Variants in PPP2R3A observed in about 807,000 individuals in gnomAD.
PPP2R3A encodes the protein protein phosphatase 2 regulatory subunit B''alpha, also known as serine/threonine-protein phosphatase 2A regulatory subunit B'' subunit alpha.
Under a neutral mutation model 106.9 loss-of-function variants are expected in PPP2R3A, and 80 were observed. The ratio of observed to expected loss-of-function variants is 0.75; its 90% CI spans 0.62 to 0.90. The LOEUF (loss-of-function observed/expected upper bound fraction) is 0.90, where lower values mean the gene tolerates loss of function less well. Among genes scored for constraint, PPP2R3A ranks in the 40% least tolerant of loss-of-function variants. PPP2R3A has a pLI of 0.00. For missense variants in PPP2R3A, 1,386 were observed against 1,350.4 expected (o/e 1.03, Z -0.41); for synonymous variants, 483 against 468.3 (o/e 1.03, Z -0.41).
rs187230359 is a variant in PPP2R3A at position 136,138,647 on chromosome 3, C to T, written c.3330-6396C>T. Among the ~76,000 whole-genome samples, 19 of 140,748 alleles carry T rather than the reference C, an allele frequency of 1.3e-4. No homozygotes were observed. The East Asian group carries it at 3.2e-3, about 24-fold the overall frequency. 92.3% of individuals were successfully genotyped at this position (140,748 alleles called of 152,430 possible). ...CTTAAAAGTATAAAGATAAATCACA[C>T]ACTTGTATTTCTGAAGCATTATAGA... On this transcript the variant is annotated intron_variant, in intron 13 of 13. Transcript: ENST00000264977.
At chr3:136,082,568 G>T in intron 8 of PPP2R3A, 147 bp downstream of exon 8, 1 of 814,900 alleles carries the variant, frequency 1.2e-6, no homozygotes, top group Non-Finnish European at 1.9e-6. Context: ...GGGGATGAGT[G>T]AAGATAATAT....
Position 136,002,854 on chromosome 3 carries a change from A to C in PPP2R3A, c.1356A>C (p.Pro452=). 1.2e-6 allele frequency: 2 copies of C among 1,614,062 alleles called. No individual in the cohort carries two copies. The highest frequency in any genetic ancestry group is 2.2e-5 in the South Asian group (2 of 91,058). The change falls in exon 2 of 14, where the codon CCA becomes CCC. Residue 452 remains proline (P), a synonymous_variant. Coordinates refer to ENST00000264977, the MANE Select transcript of PPP2R3A (RefSeq NM_002718.5). ...TAAATGAACATAGAGCAGAATTTCC[A>C]GAACATGCTACTCATCTTAAAAAAT... The part of the protein sequence containing the change: ...LKVNEHRAEF[P]EHATHLKKCP...
intron 2 of PPP2R3A, among the ~76,000 whole-genome samples, chr3:136,010,258 C>CTTTTTTTTT (rs35997478): frequency 2.5e-5 from 3 of 121,302 alleles, no homozygotes; most frequent in Non-Finnish European, 5.2e-5. Flanking sequence ...TTCTTTCTTT[C>CTTTTTTTTT]TTTTTTTTTT....
chr3:136,089,396 G>T (rs531407579), intron 9 of PPP2R3A, among the ~76,000 whole-genome samples: 20 of 152,136 alleles, frequency 1.3e-4, no homozygotes, highest in African/African-American at 4.6e-4. Context: ...GGTTGTAGGT[G>T]TGCAGCTTTA....
intron 5 of PPP2R3A, chr3:136,055,462 G>C: frequency 8.9e-7 from 1 of 1,125,572 alleles, no homozygotes; most frequent in Non-Finnish European, 1.4e-6. Context: ...TAAATGTGAA[G>C]ACACAGCTCT....
chr3:135,977,064 C>T (rs1937438134), intron 1 of PPP2R3A, among the ~76,000 whole-genome samples: 1 of 151,866 alleles, frequency 6.6e-6, no homozygotes, highest in South Asian at 2.1e-4. Flanking sequence ...AAGGCAAGGT[C>T]CTCCTCCATT....
At chr3:136,095,156 A>C (rs1435620020) in intron 10 of PPP2R3A, among the ~76,000 whole-genome samples, 1 of 150,334 alleles carries the variant, frequency 6.7e-6, no homozygotes, top group Non-Finnish European at 1.5e-5. Flanking sequence ...CTATGGGGGG[A>C]GGTCCCCTCA....
chr3:136,002,263 G>A lies in PPP2R3A; in HGVS notation c.765G>A (p.Lys255=). The change falls in exon 2 of 14, where the codon AAG becomes AAA. Residue 255 remains lysine (K), a synonymous_variant. Transcript: ENST00000264977. ...CAGACATCATAAAACAATGCATAAA[G>A]AAAAAATCAGGGAGTAGCATCAGTG... ...KCTDIIKQCI[K]KKSGSSISEG... 6.2e-7 allele frequency: 1 copy of A among 1,613,694 alleles called. No homozygotes were observed. The highest frequency in any genetic ancestry group is 1.1e-5 in the South Asian group (1 of 91,046).
At chr3:135,988,906 C>G (rs894141293) in intron 1 of PPP2R3A, among the ~76,000 whole-genome samples, 1 of 152,170 alleles carries the variant, frequency 6.6e-6, no homozygotes, top group Non-Finnish European at 1.5e-5. Flanking sequence ...TTGGGAGGCA[C>G]CTATTGATTA....
chr3:135,995,854 G>C (rs1204826239), intron 1 of PPP2R3A, among the ~76,000 whole-genome samples: 1 of 152,124 alleles, frequency 6.6e-6, no homozygotes, highest in Non-Finnish European at 1.5e-5. Flanking sequence ...AATATTTCTA[G>C]AATTTCATCT....
At chr3:136,098,200 C>T (rs1937261825) in intron 10 of PPP2R3A, among the ~76,000 whole-genome samples, 1 of 152,206 alleles carries the variant, frequency 6.6e-6, no homozygotes, top group African/African-American at 2.4e-5. Flanking sequence ...CCTCTGGTCC[C>T]AGCTAGTCTG....
intron 6 of PPP2R3A, among the ~76,000 whole-genome samples, chr3:136,072,263 A>G (rs1032905083): frequency 1.3e-5 from 2 of 152,160 alleles, no homozygotes; most frequent in African/African-American, 2.4e-5. Context: ...TAGACAGTCA[A>G]TATGTACTGA....
At chr3:135,982,736 C>T (rs537831920) in intron 1 of PPP2R3A, among the ~76,000 whole-genome samples, 3 of 152,202 alleles carry the variant, frequency 2.0e-5, no homozygotes, top group Admixed American at 2.0e-4. Flanking sequence ...TCTGCTTTCC[C>T]ATCTGATCTC....
chr3:136,077,359 A>C (rs1936631025), intron 6 of PPP2R3A, among the ~76,000 whole-genome samples: 2 of 152,198 alleles, frequency 1.3e-5, no homozygotes, highest in Non-Finnish European at 2.9e-5. Flanking sequence ...CTATTGAGAA[A>C]GATGTCCAAA....
At chr3:135,971,096 G>A (rs951792368) in intron 1 of PPP2R3A, among the ~76,000 whole-genome samples, 1 of 152,126 alleles carries the variant, frequency 6.6e-6, no homozygotes, top group Non-Finnish European at 1.5e-5. Flanking sequence ...GTATCTAACT[G>A]TGAGATTCCC....
intron 2 of PPP2R3A, among the ~76,000 whole-genome samples, chr3:136,010,262 T>C (rs1404634306): frequency 6.9e-6 from 1 of 145,274 alleles, no homozygotes; most frequent in Non-Finnish European, 1.5e-5. Flanking sequence ...TTCTTTCTTT[T>C]TTTTTTTTTT....
At chr3:136,072,639 A>G (rs1352952978) in intron 6 of PPP2R3A, among the ~76,000 whole-genome samples, 1 of 152,182 alleles carries the variant, frequency 6.6e-6, no homozygotes, top group Admixed American at 6.5e-5. Context: ...CCCAAAGAGA[A>G]TTATTGGGTT....
intron 7 of PPP2R3A, 134 bp downstream of exon 7, chr3:136,078,587 C>T (rs1936672084): frequency 3.1e-6 from 2 of 639,348 alleles, no homozygotes; most frequent in South Asian, 2.0e-5. Context: ...TATCAAATAC[C>T]TGTCGTGGGA....
chr3:136,006,148 GACTGAA>G, intron 2 of PPP2R3A, among the ~76,000 whole-genome samples: 1 of 152,102 alleles, frequency 6.6e-6, no homozygotes, highest in East Asian at 1.9e-4. Context: ...ACAAGTAATG[GACTGAA>G]ATCAGAATCT....
Sources: allele counts gnomAD v4.1 joint callset (sites outside exome capture counted in the v4.1 genomes callset), GRCh38; gene constraint gnomAD v4.1.1; transcripts MANE v1.5; gene names NCBI Gene and HGNC (gene_info 2026-07-23, HGNC 2026-07-21).